The following CUL2 variants were observed in gnomAD, a reference collection of about 807,000 sequenced individuals.
CUL2 encodes the protein cullin-2.
A neutral mutation model predicts 110.2 loss-of-function variants in CUL2; 22 were observed. The observed-to-expected ratio is 0.20, with a 90% CI of 0.14 to 0.28. The LOEUF (loss-of-function observed/expected upper bound fraction) is 0.28. CUL2 is among the 10% of genes least tolerant of loss of function. The probability of loss-of-function intolerance (pLI) is 1.00; values close to 1 mark genes in which losing one functional copy is unlikely to be tolerated. For missense variants in CUL2, 631 were observed against 905.5 expected, an observed-to-expected ratio of 0.70 and a Z score of 3.89; for synonymous variants, 279 against 293.2, an observed-to-expected ratio of 0.95 and a Z score of 0.49.
chr10:35,109,184 T>G (rs2087499467), intron 1 of CUL2, among the ~76,000 whole-genome samples: 2 of 152,138 alleles, frequency 1.3e-5, no homozygotes, highest in African/African-American at 2.4e-5. Flanking sequence ...GCAGAAATGG[T>G]TAGGTTTTTA....
chr10:35,090,714 A>G (rs1438416594), upstream of CUL2: 1 of 152,312 alleles, frequency 6.6e-6, no homozygotes, highest in East Asian at 1.9e-4. Context: ...GGAAATTAAT[A>G]TTCCAAGTGA....
intron 1 of CUL2, among the ~76,000 whole-genome samples, chr10:35,121,721 G>T (rs922602277): frequency 2.6e-5 from 4 of 151,142 alleles, no homozygotes; most frequent in African/African-American, 7.3e-5. Flanking sequence ...GAGGTGGGAG[G>T]ATTGCTTGAG....
At chr10:35,015,962 CAGTATAGGACAAATAA>C (rs1435683510) in intron 18 of CUL2, among the ~76,000 whole-genome samples, 1 of 152,172 alleles carries the variant, frequency 6.6e-6, no homozygotes, top group East Asian at 1.9e-4. Flanking sequence ...TAAGCTGTAA[CAGTATAGGACAAATAA>C]AATCAAACTA....
chr10:35,071,164 T>A, intron 2 of CUL2, 35 bp downstream of exon 2: 1 of 1,598,378 alleles, frequency 6.3e-7, no homozygotes, highest in Non-Finnish European at 8.5e-7. Context: ...TTTATCAATT[T>A]TAGAACATTG....
At chr10:35,104,954 C>G (rs1235893918) in intron 1 of CUL2, among the ~76,000 whole-genome samples, 1 of 151,764 alleles carries the variant, frequency 6.6e-6, no homozygotes, top group East Asian at 2.0e-4. Context: ...GTCTCGAATT[C>G]CCGACCTCAG....
In CUL2 at chr10:35,022,850, G is replaced by T. The variant is rs900529587; in HGVS notation, c.1684+2282C>A. On this transcript the variant is annotated intron_variant, in intron 17 of 20. Transcript: ENST00000374749. ...TCACGAGGTCAGGCGTTCGAGACCAGCCTGGCCAACATGGTGAAACACCGT... is the reference window on the plus strand; with the variant it reads ...TCACGAGGTCAGGCGTTCGAGACCATCCTGGCCAACATGGTGAAACACCGT... Among the ~76,000 whole-genome samples the T allele has an allele frequency of 2.0e-5, 3 of 152,102 alleles. No homozygotes were observed. In the East Asian group the frequency reaches 5.8e-4, roughly 29 times the overall value.
chr10:35,045,700 G>A (rs1372737208), intron 6 of CUL2, among the ~76,000 whole-genome samples: 3 of 152,062 alleles, frequency 2.0e-5, no homozygotes, highest in East Asian at 1.9e-4. Flanking sequence ...CTGGGTGACA[G>A]AGCAAGACCC....
Position 35,053,912 on chromosome 10 carries a change from T to C in CUL2, c.423+522A>G, listed in dbSNP as rs140165922. Among the ~76,000 whole-genome samples the C allele has an allele frequency of 5.1e-3, 770 of 152,318 alleles. 49 individuals carry two copies. The South Asian group carries it at 0.13, about 27-fold the overall frequency. ...GCCTGGCTACTCAATAAAGATGTAT[T>C]AAATGAATAAACAAGCTTGTACAAT... On this transcript the variant is annotated intron_variant, in intron 5 of 20. Coordinates refer to ENST00000374749, the MANE Select transcript of CUL2 (RefSeq NM_003591.4).
intron 1 of CUL2, among the ~76,000 whole-genome samples, chr10:35,108,700 T>A (rs936550600): frequency 6.6e-6 from 1 of 152,028 alleles, no homozygotes; most frequent in African/African-American, 2.4e-5. Flanking sequence ...GGGTTTCTCA[T>A]GAGATTTCAG....
At chr10:35,055,413 GA>G (rs923802930) in intron 4 of CUL2, among the ~76,000 whole-genome samples, 1 of 152,140 alleles carries the variant, frequency 6.6e-6, no homozygotes, top group Non-Finnish European at 1.5e-5. Context: ...ACCAAAACAA[GA>G]CAACAATTTT....
At chr10:35,060,221 T>C (rs2086346868) in intron 4 of CUL2, among the ~76,000 whole-genome samples, 3 of 151,766 alleles carry the variant, frequency 2.0e-5, no homozygotes, top group Admixed American at 6.6e-5. Flanking sequence ...TGAGCTGAGA[T>C]CATGCAACTA....
chr10:35,105,496 G>A (rs1564754737), intron 1 of CUL2, among the ~76,000 whole-genome samples: 1 of 150,424 alleles, frequency 6.6e-6, no homozygotes, highest in South Asian at 2.1e-4. Context: ...CCCGCACTTT[G>A]GGAGGGAGAC....
chr10:35,089,326 C>T lies in CUL2; in HGVS notation c.-23+853G>A, dbSNP rs1288723622. Among the ~76,000 whole-genome samples the T allele has an allele frequency of 4.6e-5, 7 of 152,306 alleles. No homozygotes were observed. In the East Asian group the frequency reaches 7.7e-4, roughly 17 times the overall value. On this transcript the variant is annotated intron_variant, in intron 1 of 20. Transcript: ENST00000374749. ...ATGTAAGATTCTAAAGGGTAGGCAA[C>T]AGTGTTTTGAATGTTTTTAAGCGAT...
chr10:35,088,281 G>A (rs1018847881), intron 1 of CUL2, among the ~76,000 whole-genome samples: 3 of 151,884 alleles, frequency 2.0e-5, no homozygotes, highest in African/African-American at 4.8e-5. Context: ...AGGCTGAGGA[G>A]GGCGGATCAT....
intron 5 of CUL2, among the ~76,000 whole-genome samples, chr10:35,050,879 T>G (rs1004010320): frequency 1.3e-5 from 2 of 152,250 alleles, no homozygotes; most frequent in Non-Finnish European, 2.9e-5. Context: ...CAAGTGCTCA[T>G]GCAGCTTTAC....
upstream of CUL2, among the ~76,000 whole-genome samples, chr10:35,092,097 C>G (rs1047060956): frequency 2.0e-5 from 3 of 150,968 alleles, no homozygotes; most frequent in Admixed American, 2.0e-4. Context: ...TGACTACAGG[C>G]GCGTGCGCCA....
intron 9 of CUL2, among the ~76,000 whole-genome samples, chr10:35,038,129 G>A (rs1002826464): frequency 7.9e-5 from 12 of 151,960 alleles, no homozygotes; most frequent in East Asian, 1.9e-4. Context: ...CAGCCTGGGC[G>A]ACGGAGCGAG....
intron 5 of CUL2, among the ~76,000 whole-genome samples, chr10:35,051,496 C>G (rs891635346): frequency 6.6e-6 from 1 of 151,900 alleles, no homozygotes; most frequent in African/African-American, 2.4e-5. Flanking sequence ...GCCTGTAGTC[C>G]CAGCTACTCG....
chr10:35,076,864 CA>C (rs1364067879), intron 1 of CUL2, among the ~76,000 whole-genome samples: 2 of 152,070 alleles, frequency 1.3e-5, no homozygotes, highest in Admixed American at 1.3e-4. Context: ...AGCTGGCTGA[CA>C]TGGTGAAACC....
Sources: allele counts gnomAD v4.1 joint callset (sites outside exome capture counted in the v4.1 genomes callset), GRCh38; gene constraint gnomAD v4.1.1; transcripts MANE v1.5; gene names NCBI Gene and HGNC (gene_info 2026-07-23, HGNC 2026-07-21).